Variants in CCNL1 observed in about 807,000 individuals in gnomAD.
The protein encoded by CCNL1 is cyclin L1.
In CCNL1, 13 loss-of-function variants were observed where a neutral mutation model predicts 60.6. The observed-to-expected ratio is 0.21, with a 90% CI of 0.14 to 0.34. CCNL1 has a LOEUF of 0.34. CCNL1 is among the 10% of genes least tolerant of loss of function. The pLI, the probability that CCNL1 is intolerant of heterozygous loss-of-function variation, is 1.00. For missense variants in CCNL1, 481 were observed against 664.3 expected, an observed-to-expected ratio of 0.72 and a Z score of 3.03; for synonymous variants, 270 against 244.3, an observed-to-expected ratio of 1.10 and a Z score of -0.98.
downstream of CCNL1, among the ~76,000 whole-genome samples, chr3:157,143,307 AC>A (rs1415313403): frequency 6.6e-6 from 1 of 152,234 alleles, no homozygotes; most frequent in Non-Finnish European, 1.5e-5. Flanking sequence ...GATGTTGTTT[AC>A]ATCTATGAAC....
Position 157,147,647 on chromosome 3 carries a change from G to A in CCNL1, c.*594C>T, listed in dbSNP as rs1323655917. On this transcript the variant is annotated 3_prime_UTR_variant, in exon 11 of 11. Transcript: ENST00000295926. ...ATATATACAGTGAAGACTTACAATAGCTCACAATGCAGTTAAGAATTGCAT... is the reference window on the plus strand; with the variant it reads ...ATATATACAGTGAAGACTTACAATAACTCACAATGCAGTTAAGAATTGCAT... 1 of 984,264 alleles carries A rather than the reference G, an allele frequency of 1.0e-6. No individual in the cohort carries two copies. Among genetic ancestry groups the A allele is most frequent in the African/African-American group, 1.7e-5 (1 of 57,204 alleles). 61.0% of individuals were successfully genotyped at this position (984,264 alleles called of 1,614,324 possible). A position where few individuals can be genotyped will look rare whatever the true frequency, so the allele number is the denominator to read the frequency against.
downstream of CCNL1, among the ~76,000 whole-genome samples, chr3:157,144,297 G>A (rs1273423267): frequency 6.6e-6 from 1 of 152,238 alleles, no homozygotes; most frequent in African/African-American, 2.4e-5. Flanking sequence ...CTTTTGAACT[G>A]TGTTTGAGAG....
downstream of CCNL1, among the ~76,000 whole-genome samples, chr3:157,145,455 A>AAAAAAAAAAAAAAAAAAAAAC (rs1737753226): frequency 1.3e-5 from 2 of 148,354 alleles, no homozygotes. Context: ...AAAAAAAAAA[A>AAAAAAAAAAAAAAAAAAAAAC]AAAAAAAAAC....
Position 157,147,654 on chromosome 3 carries a change from A to G in CCNL1, c.*587T>C, listed in dbSNP as rs1330433208. On this transcript the variant is annotated 3_prime_UTR_variant, in exon 11 of 11. Coordinates refer to ENST00000295926, the MANE Select transcript of CCNL1 (RefSeq NM_020307.4). ...CAGTGAAGACTTACAATAGCTCACA[A>G]TGCAGTTAAGAATTGCATTTTAATA... 4 of 984,876 alleles carry G rather than the reference A, an allele frequency of 4.1e-6. No homozygotes were observed. In the African/African-American group the frequency reaches 7.0e-5, roughly 17 times the overall value. The allele number at this position is 984,876 out of a possible 1,614,324, so 61.0% of individuals were successfully genotyped here. A position where few individuals can be genotyped will look rare whatever the true frequency, so the allele number is the denominator to read the frequency against.
downstream of CCNL1, chr3:157,146,431 C>G (rs576712289): frequency 8.4e-4 from 344 of 407,202 alleles, 8 homozygotes; most frequent in South Asian, 6.1e-3. Flanking sequence ...GTATCCTCCA[C>G]AACTCCCCAT....
Position 157,147,940 on chromosome 3 carries a change from TAA to T in CCNL1, c.*299_*300del, listed in dbSNP as rs1737858782. ...GTCTGCAATTTTATCTGTATAAAAA[TAA>T]GATACATTTTTACAGAATTCACGCT... is the stretch of plus-strand genomic sequence containing the variant. On this transcript the variant is annotated 3_prime_UTR_variant, in exon 11 of 11. Transcript: ENST00000295926. 3 of 1,084,958 alleles carry T rather than the reference TAA, an allele frequency of 2.8e-6. No homozygotes were observed. Among genetic ancestry groups the T allele is most frequent in the Non-Finnish European group, 3.4e-6 (3 of 894,830 alleles). The allele number at this position is 1,084,958 out of a possible 1,614,324, so 67.2% of individuals were successfully genotyped here.
chr3:157,145,099 A>G (rs1158776222), downstream of CCNL1, among the ~76,000 whole-genome samples: 1 of 152,198 alleles, frequency 6.6e-6, no homozygotes, highest in Non-Finnish European at 1.5e-5. Flanking sequence ...ACCAGCTGCA[A>G]AGGACAAATG....
intron 3 of CCNL1, 66 bp downstream of exon 3, chr3:157,158,800 G>T: frequency 1.0e-6 from 1 of 990,302 alleles, no homozygotes; most frequent in Non-Finnish European, 1.5e-6. Flanking sequence ...AAGATGTTTT[G>T]ATTTGATGAC....
intron 3 of CCNL1, chr3:157,154,757 G>A (rs1041757574): frequency 1.3e-5 from 2 of 151,968 alleles, no homozygotes; most frequent in African/African-American, 4.8e-5. Context: ...CCTTCCCTCG[G>A]TTTCATTCCT....
rs1393383735 is a variant in CCNL1 at position 157,148,353 on chromosome 3, T to C, written c.1469A>G (p.His490Arg). The change falls in exon 11 of 11, where the codon CAT becomes CGT. Residue 490 changes from histidine to arginine, a missense_variant. His to Arg is a conservative substitution (Grantham distance 29). Coordinates refer to ENST00000295926, the MANE Select transcript of CCNL1 (RefSeq NM_020307.4). ...DHSDAAKKHR[H>R]ERGHHRDRRE... is the part of the protein sequence containing the mutation. ...CCTGTCCCTATGATGTCCCCTTTCA[T>C]GCCTGTGTTTCTTGGCTGCATCTGA... 8 of 1,614,224 alleles carry C rather than the reference T, an allele frequency of 5.0e-6. No homozygotes were observed. The highest frequency in any genetic ancestry group is 5.1e-6 in the Non-Finnish European group (6 of 1,180,042).
intron 1 of CCNL1, 125 bp from the exon 2 acceptor site, chr3:157,159,604 C>T (rs1014386339): frequency 9.6e-7 from 1 of 1,046,686 alleles, no homozygotes; most frequent in Admixed American, 2.3e-5. Flanking sequence ...GCGAACAGCC[C>T]GCTGCCAAGT....
intron 3 of CCNL1, 192 bp downstream of exon 3, chr3:157,158,674 T>C (rs1738814382): frequency 2.1e-6 from 1 of 465,728 alleles, no homozygotes; most frequent in African/African-American, 2.0e-5. Flanking sequence ...AAACTTTAGA[T>C]AACCGGTTAA....
Position 157,159,782 on chromosome 3 carries a change from G to C in CCNL1, c.303+10C>G, listed in dbSNP as rs562425033. On this transcript the variant is annotated intron_variant, in intron 1 of 10. Transcript: ENST00000295926. ...GGAGCGCCCGGCCGGCCCGGGGCCG[G>C]AGCACTGACCTGCGGCAGCCGGAGG... 7 of 1,526,828 alleles carry C rather than the reference G, an allele frequency of 4.6e-6. No individual in the cohort carries two copies. The highest frequency in any genetic ancestry group is 1.4e-5 in the African/African-American group (1 of 72,488). 94.6% of individuals were successfully genotyped at this position (1,526,828 alleles called of 1,614,324 possible). A position where few individuals can be genotyped will look rare whatever the true frequency, so the allele number is the denominator to read the frequency against.
At chr3:157,143,705 G>A (rs1227733569), downstream of CCNL1, among the ~76,000 whole-genome samples, 1 of 152,170 alleles carries the variant, frequency 6.6e-6, no homozygotes, top group Non-Finnish European at 1.5e-5. Context: ...TTACTTAGAA[G>A]GGGTGGTGAA....
intron 3 of CCNL1, chr3:157,153,774 G>C (rs1450046836): frequency 6.6e-6 from 1 of 152,012 alleles, no homozygotes; most frequent in Non-Finnish European, 1.5e-5. Context: ...GGGAACAGTG[G>C]GTAGTTAATC....
chr3:157,152,937 C>A, intron 4 of CCNL1, 99 bp downstream of exon 4: 1 of 1,532,866 alleles, frequency 6.5e-7, no homozygotes. Context: ...TTTTTAAAAC[C>A]AAGGTTAACA....
At chr3:157,143,884 G>A (rs1737710032), downstream of CCNL1, among the ~76,000 whole-genome samples, 2 of 152,198 alleles carry the variant, frequency 1.3e-5, no homozygotes, top group South Asian at 4.1e-4. Flanking sequence ...ATTTTACAGA[G>A]TGATATGGGA....
chr3:157,158,215 C>G (rs552398842), intron 3 of CCNL1, among the ~76,000 whole-genome samples: 1 of 152,284 alleles, frequency 6.6e-6, no homozygotes, highest in African/African-American at 2.4e-5. Flanking sequence ...ATAAATGGCC[C>G]TATCTAAATG....
Position 157,148,568 on chromosome 3 carries a change from T to C in CCNL1, c.1254A>G (p.Arg418=). The part of the protein sequence containing the change: ...PRRHYNNRRS[R]SGTYSSRSRS... ...TTGATCTCGAGCTGTATGTTCCAGATCGACTCCGCCTATTATTATAGCTTA... is the reference window on the plus strand; with the variant it reads ...TTGATCTCGAGCTGTATGTTCCAGACCGACTCCGCCTATTATTATAGCTTA... Residue 418 remains arginine, a synonymous_variant, in exon 11 of 11, where the codon CGA becomes CGG. Coordinates refer to ENST00000295926, the MANE Select transcript of CCNL1 (RefSeq NM_020307.4). 2 of 1,611,556 alleles carry C rather than the reference T, an allele frequency of 1.2e-6. No homozygotes were observed. The highest frequency in any genetic ancestry group is 1.7e-6 in the Non-Finnish European group (2 of 1,178,970).
Sources: allele counts gnomAD v4.1 joint callset (sites outside exome capture counted in the v4.1 genomes callset), GRCh38; gene constraint gnomAD v4.1.1; transcripts MANE v1.5; gene names NCBI Gene and HGNC (gene_info 2026-07-23, HGNC 2026-07-21).